RARB: variants seen among roughly 807,000 people sequenced by gnomAD.
RARB encodes the protein HBV-activated protein.
Under a neutral mutation model 51.9 loss-of-function variants are expected in RARB, and 17 were observed. The ratio of observed to expected loss-of-function variants is 0.33; its 90% CI spans 0.22 to 0.49. The LOEUF is 0.49. RARB is among the 20% of genes least tolerant of loss of function. The pLI is 0.99. For synonymous variants in RARB, 215 were observed against 195.4 expected, an observed-to-expected ratio of 1.10 and a Z score of -0.84; for missense variants, 369 against 550.8, an observed-to-expected ratio of 0.67 and a Z score of 3.30.
At chr3:24,993,467 A>G (rs1366463709) in intron 2 of RARB, among the ~76,000 whole-genome samples, 1 of 152,140 alleles carries the variant, frequency 6.6e-6, no homozygotes, top group Non-Finnish European at 1.5e-5. Flanking sequence ...TGCTGTTTCA[A>G]TACATTCGTA....
chr3:25,405,930 G>A (rs1336849860), intron 5 of RARB, among the ~76,000 whole-genome samples: 2 of 149,108 alleles, frequency 1.3e-5, no homozygotes, highest in South Asian at 2.2e-4. Context: ...CCAGAGGGAC[G>A]GCATGAGCCA....
At chr3:25,255,829 G>T (rs1156300908) in intron 5 of RARB, among the ~76,000 whole-genome samples, 1 of 152,002 alleles carries the variant, frequency 6.6e-6, no homozygotes, top group Non-Finnish European at 1.5e-5. Flanking sequence ...TTATACCCTT[G>T]AGTCAAGTGT....
rs140282666 is a variant in RARB, at chr3:25,300,583, C to T, written c.178+126008C>T. 1.3e-4 allele frequency among the ~76,000 whole-genome samples: 20 copies of T among 152,238 alleles called. No individual in the cohort carries two copies. The East Asian group carries it at 1.9e-3, about 15-fold the overall frequency. On this transcript the variant is annotated intron_variant, in intron 5 of 11. Coordinates refer to the RARB transcript ENST00000383772. ...GAAGAACAGAAGGAACCAAAGCTTT[C>T]TGTAACAGGATCATAAAGCCTTTAA...
At chr3:25,298,530 T>TC (rs1259152426) in intron 5 of RARB, among the ~76,000 whole-genome samples, 5 of 152,194 alleles carry the variant, frequency 3.3e-5, no homozygotes, top group Non-Finnish European at 4.4e-5. Flanking sequence ...TCTTTGTGTG[T>TC]CTGTGTTTCA....
intron 2 of RARB, among the ~76,000 whole-genome samples, chr3:24,870,096 C>T (rs530366385): frequency 7.2e-5 from 11 of 152,028 alleles, no homozygotes; most frequent in Non-Finnish European, 1.5e-4. Flanking sequence ...TTTGTATATC[C>T]TGGAGACTAA....
At chr3:24,947,565 C>T (rs559936509) in intron 2 of RARB, among the ~76,000 whole-genome samples, 17 of 152,074 alleles carry the variant, frequency 1.1e-4, no homozygotes, top group African/African-American at 4.1e-4. Context: ...TATGGAGTTC[C>T]ACGGGGATAC....
intron 5 of RARB, among the ~76,000 whole-genome samples, chr3:25,273,210 A>G (rs1283752118): frequency 2.0e-5 from 3 of 152,190 alleles, no homozygotes; most frequent in Admixed American, 6.5e-5. Flanking sequence ...TATTAAGTGC[A>G]GAATCATTGC....
intron 5 of RARB, among the ~76,000 whole-genome samples, chr3:25,248,344 A>C (rs1387120288): frequency 6.6e-6 from 1 of 152,162 alleles, no homozygotes; most frequent in Non-Finnish European, 1.5e-5. Context: ...CCTTTAAGTG[A>C]AAAGTTTAAT....
chr3:24,839,366 G>C (rs1702387936), intron 1 of RARB, among the ~76,000 whole-genome samples: 1 of 151,966 alleles, frequency 6.6e-6, no homozygotes. Flanking sequence ...CAAGTAAAAG[G>C]GATAAGGATA....
chr3:24,928,050 CA>C (rs1380427985), intron 2 of RARB, among the ~76,000 whole-genome samples: 2 of 151,980 alleles, frequency 1.3e-5, no homozygotes, highest in Admixed American at 6.6e-5. Flanking sequence ...TATTTTTGAA[CA>C]GAGCATTGCA....
At chr3:24,885,101 A>C (rs1046852369) in intron 2 of RARB, among the ~76,000 whole-genome samples, 1 of 152,166 alleles carries the variant, frequency 6.6e-6, no homozygotes, top group Non-Finnish European at 1.5e-5. Flanking sequence ...GAATTACTAC[A>C]TAATTTATTT....
chr3:24,903,953 G>C (rs1001900917), intron 2 of RARB, among the ~76,000 whole-genome samples: 1 of 152,104 alleles, frequency 6.6e-6, no homozygotes, highest in Non-Finnish European at 1.5e-5. Context: ...ATTTCTGAAG[G>C]AATGTTACCA....
intron 2 of RARB, among the ~76,000 whole-genome samples, chr3:24,975,370 G>A (rs1052231957): frequency 3.3e-5 from 5 of 152,022 alleles, no homozygotes; most frequent in Non-Finnish European, 5.9e-5. Context: ...CTACACTCCA[G>A]GCACTGTTTT....
At chr3:25,216,574 G>A (rs1391964162) in intron 5 of RARB, among the ~76,000 whole-genome samples, 2 of 152,014 alleles carry the variant, frequency 1.3e-5, no homozygotes, top group East Asian at 3.9e-4. Context: ...CACACACCGG[G>A]GCCTATTGGG....
At chr3:25,549,213 G>A (rs947670610) in intron 3 of RARB, among the ~76,000 whole-genome samples, 2 of 152,068 alleles carry the variant, frequency 1.3e-5, no homozygotes, top group African/African-American at 4.8e-5. Context: ...ATAGAACAAT[G>A]AAGGCTGAAG....
chr3:25,370,919 G>A (rs1037312182), intron 5 of RARB, among the ~76,000 whole-genome samples: 9 of 152,112 alleles, frequency 5.9e-5, no homozygotes, highest in Admixed American at 3.3e-4. Flanking sequence ...GGTGACTGCC[G>A]GGGCACCTTA....
intron 2 of RARB, among the ~76,000 whole-genome samples, chr3:24,889,077 G>GC (rs1203775758): frequency 6.6e-6 from 1 of 152,164 alleles, no homozygotes; most frequent in African/African-American, 2.4e-5. Flanking sequence ...GGAAGTGAGA[G>GC]CAATGCACTG....
At chr3:25,500,474 T>C (rs1697255687) in intron 2 of RARB, among the ~76,000 whole-genome samples, 1 of 125,890 alleles carries the variant, frequency 7.9e-6, no homozygotes, top group African/African-American at 3.7e-5. Flanking sequence ...TTTTTTTTTT[T>C]TTTTTTTGGT....
At chr3:25,487,395 T>C (rs1696524971) in intron 2 of RARB, among the ~76,000 whole-genome samples, 1 of 151,970 alleles carries the variant, frequency 6.6e-6, no homozygotes, top group Non-Finnish European at 1.5e-5. Context: ...TGAAAAATAA[T>C]CTGTCTGCTT....
Sources: gnomAD v4.1 joint callset for allele counts (sites outside exome capture counted in the v4.1 genomes callset) on GRCh38, gnomAD v4.1.1 for gene constraint, MANE v1.5 for transcripts, NCBI Gene and HGNC (gene_info 2026-07-23, HGNC 2026-07-21) for gene names.